ARHGAP15: variants seen among roughly 807,000 people sequenced by gnomAD.
ARHGAP15 encodes rho GTPase-activating protein 15.
A neutral mutation model predicts 63.7 loss-of-function variants in ARHGAP15; 51 were observed. The ratio of observed to expected loss-of-function variants is 0.80; its 90% confidence interval spans 0.64 to 1.01. ARHGAP15 has a LOEUF of 1.01. Among genes scored for constraint, ARHGAP15 ranks in the 50% least tolerant of loss-of-function variants. ARHGAP15 has a pLI of 0.00. For missense variants in ARHGAP15, 560 were observed against 564.6 expected, an observed-to-expected ratio of 0.99 and a Z score of 0.08; for synonymous variants, 191 against 193.8, an observed-to-expected ratio of 0.99 and a Z score of 0.12.
intron 6 of ARHGAP15, among the ~76,000 whole-genome samples, chr2:143,326,099 T>C (rs770022547): frequency 3.9e-5 from 6 of 152,298 alleles, no homozygotes; most frequent in Middle Eastern, 3.4e-3. Context: ...TGCTTACATG[T>C]TTATTATATC....
chr2:143,485,530 G>A (rs1270032589), intron 8 of ARHGAP15, among the ~76,000 whole-genome samples: 4 of 151,836 alleles, frequency 2.6e-5, no homozygotes, highest in Non-Finnish European at 4.4e-5. Flanking sequence ...ACCTTCCACC[G>A]ATAAATGAGA....
intron 5 of ARHGAP15, among the ~76,000 whole-genome samples, chr2:143,249,283 T>A (rs1680017202): frequency 6.6e-6 from 1 of 151,858 alleles, no homozygotes; most frequent in Non-Finnish European, 1.5e-5. Context: ...CAAAAAAAAA[T>A]TCAGTTGCCA....
chr2:143,134,815 T>G (rs908907451), intron 1 of ARHGAP15, among the ~76,000 whole-genome samples: 2 of 152,024 alleles, frequency 1.3e-5, no homozygotes, highest in Non-Finnish European at 2.9e-5. Flanking sequence ...TTTTTTGTAT[T>G]TTTAGTAGAG....
chr2:143,491,383 G>C (rs1692574945), intron 9 of ARHGAP15, among the ~76,000 whole-genome samples: 1 of 152,124 alleles, frequency 6.6e-6, no homozygotes, highest in Admixed American at 6.5e-5. Flanking sequence ...GATAACCATT[G>C]TTTGGCTTTT....
chr2:143,481,798 A>G (rs1295088276), intron 8 of ARHGAP15, among the ~76,000 whole-genome samples: 2 of 152,212 alleles, frequency 1.3e-5, no homozygotes, highest in Non-Finnish European at 2.9e-5. Context: ...ATGTAATACT[A>G]TTAACTGAAG....
At chr2:143,179,701 C>T (rs928153389) in intron 2 of ARHGAP15, among the ~76,000 whole-genome samples, 2 of 152,076 alleles carry the variant, frequency 1.3e-5, no homozygotes, top group Admixed American at 6.6e-5. Flanking sequence ...CAACCTTGCC[C>T]ATGCAGTGAG....
intron 6 of ARHGAP15, among the ~76,000 whole-genome samples, chr2:143,411,447 C>T (rs1688443528): frequency 6.6e-6 from 1 of 152,100 alleles, no homozygotes; most frequent in African/African-American, 2.4e-5. Context: ...AAGTTTACAT[C>T]ATTGTGACAT....
rs1432022452 is a variant in ARHGAP15, at chr2:143,677,267, T to C, written c.1139-26152T>C. Reference sequence around the variant, plus strand: ...GTGGTGAACAGCAAGTGTTTTGGAATACATGGTTAGTGTATCTGTTAACTG... The same window carrying C: ...GTGGTGAACAGCAAGTGTTTTGGAACACATGGTTAGTGTATCTGTTAACTG... On this transcript the variant is annotated intron_variant, in intron 12 of 13. Coordinates refer to ENST00000295095, the MANE Select transcript of ARHGAP15 (RefSeq NM_018460.4). 4.6e-5 allele frequency among the ~76,000 whole-genome samples: 7 copies of C among 152,360 alleles called. No homozygotes were observed. In the East Asian group the frequency reaches 1.2e-3, roughly 25 times the overall value.
At chr2:143,645,592 A>G (rs1382475909) in intron 12 of ARHGAP15, among the ~76,000 whole-genome samples, 1 of 152,086 alleles carries the variant, frequency 6.6e-6, no homozygotes, top group Non-Finnish European at 1.5e-5. Flanking sequence ...AATGTCGTCA[A>G]TACTTTCTGA....
intron 13 of ARHGAP15, among the ~76,000 whole-genome samples, chr2:143,745,642 A>G (rs1686135955): frequency 6.6e-6 from 1 of 152,228 alleles, no homozygotes; most frequent in African/African-American, 2.4e-5. Flanking sequence ...GCAAGAGATT[A>G]CTACAAACTT....
intron 6 of ARHGAP15, among the ~76,000 whole-genome samples, chr2:143,419,430 A>G (rs1200884653): frequency 1.1e-5 from 1 of 90,770 alleles, no homozygotes; most frequent in Non-Finnish European, 2.5e-5. Context: ...AATCTTAACA[A>G]AAAGTCATGC....
intron 2 of ARHGAP15, among the ~76,000 whole-genome samples, chr2:143,168,664 A>T (rs1690645104): frequency 6.6e-6 from 1 of 152,070 alleles, no homozygotes; most frequent in African/African-American, 2.4e-5. Context: ...ACTTGAAGAG[A>T]CGCTACTTTG....
intron 13 of ARHGAP15, among the ~76,000 whole-genome samples, chr2:143,739,767 T>C: frequency 6.6e-6 from 1 of 152,164 alleles, no homozygotes; most frequent in Non-Finnish European, 1.5e-5. Flanking sequence ...TTACTGAAGA[T>C]TGACAGAGGA....
chr2:143,423,111 G>C (rs1333120582), intron 6 of ARHGAP15, among the ~76,000 whole-genome samples: 2 of 152,098 alleles, frequency 1.3e-5, no homozygotes, highest in Non-Finnish European at 2.9e-5. Flanking sequence ...AGAAACCCCA[G>C]GGGCCCATGG....
intron 12 of ARHGAP15, among the ~76,000 whole-genome samples, chr2:143,654,205 T>G (rs1303634722): frequency 6.6e-6 from 1 of 152,088 alleles, no homozygotes; most frequent in Admixed American, 6.5e-5. Context: ...GAATTATGAT[T>G]TGGAAGATTT....
chr2:143,611,027 C>A (rs1384659433), intron 11 of ARHGAP15, among the ~76,000 whole-genome samples: 3 of 152,122 alleles, frequency 2.0e-5, no homozygotes, highest in Non-Finnish European at 4.4e-5. Flanking sequence ...CTGCACCTGG[C>A]CTTTTACAGT....
chr2:143,139,802 G>A (rs564128598), intron 1 of ARHGAP15, among the ~76,000 whole-genome samples: 1 of 152,140 alleles, frequency 6.6e-6, no homozygotes, highest in South Asian at 2.1e-4. Flanking sequence ...GATAGTAGTG[G>A]TATTAAAAGC....
At chr2:143,640,603 A>G (rs537992597) in intron 12 of ARHGAP15, among the ~76,000 whole-genome samples, 5 of 152,254 alleles carry the variant, frequency 3.3e-5, no homozygotes, top group Admixed American at 3.3e-4. Flanking sequence ...AGGCTAATGA[A>G]TTTTGCAGTC....
At chr2:143,634,764 T>C (rs1680220311) in intron 12 of ARHGAP15, among the ~76,000 whole-genome samples, 1 of 152,128 alleles carries the variant, frequency 6.6e-6, no homozygotes, top group African/African-American at 2.4e-5. Context: ...AGGGATCCCA[T>C]TTCCTTCATC....
Sources: gnomAD v4.1 joint callset for allele counts (sites outside exome capture counted in the v4.1 genomes callset) on GRCh38, gnomAD v4.1.1 for gene constraint, MANE v1.5 for transcripts, NCBI Gene and HGNC (gene_info 2026-07-23, HGNC 2026-07-21) for gene names.